Variants in CAPN6 observed in about 807,000 individuals in gnomAD.
The protein encoded by CAPN6 is calpain-6.
CAPN6 carries 16 observed loss-of-function variants against 46.0 expected under a neutral mutation model. The ratio of observed to expected loss-of-function variants is 0.35; its 90% CI spans 0.24 to 0.53. CAPN6 has a LOEUF of 0.53. Ranked by LOEUF, CAPN6 falls within the 20% of genes least tolerant of loss-of-function variation. The probability of loss-of-function intolerance (pLI) is 0.94; values close to 1 mark genes in which losing one functional copy is unlikely to be tolerated. For missense variants in CAPN6, 461 were observed against 498.0 expected (o/e 0.93, Z 0.71); for synonymous variants, 206 against 172.8 (o/e 1.19, Z -1.51).
In CAPN6 at chrX:111,251,077, T is replaced by G; in HGVS notation, c.998A>C (p.Asn333Thr). ...FWMSLEDFCR[N>T]FHKLNVCRNV... ...GCGGCAGACATTCAGTTTGTGAAAGTTGCGGCAAAAGTCCTCCAAGCTCAT... is the reference window on the plus strand; with the variant it reads ...GCGGCAGACATTCAGTTTGTGAAAGGTGCGGCAAAAGTCCTCCAAGCTCAT... Residue 333 changes from asparagine (N) to threonine (T), a missense_variant, in exon 8 of 13, where the codon AAC (asparagine) becomes ACC (threonine). Asn to Thr is a moderately conservative substitution (Grantham distance 65). Transcript: ENST00000324068. 1 of 1,211,022 alleles carries G rather than the reference T, an allele frequency of 8.3e-7. No homozygotes were observed.
rs950080772 is a variant in CAPN6 at position 111,254,185 on chromosome X, G to A, written c.297+87C>T. On this transcript the variant is annotated intron_variant, in intron 3 of 12. Transcript: ENST00000324068. ...GCTTTCAAGAAATACAACAATCTAA[G>A]GAAGTTATGCGCTGATTTTTTTCCT... is the stretch of plus-strand genomic sequence containing the variant. The A allele has an allele frequency of 7.8e-6, 8 of 1,031,086 alleles. No individual in the cohort carries two copies. In the East Asian group the frequency reaches 1.6e-4, roughly 20 times the overall value. The allele number at this position is 1,031,086 out of a possible 1,213,427, so 85.0% of individuals were successfully genotyped here.
At chrX:111,251,440 G>T (rs1223513520) in intron 6 of CAPN6, 109 bp downstream of exon 6, 7 of 888,926 alleles carry the variant, frequency 7.9e-6, no homozygotes, top group Non-Finnish European at 8.0e-6. Context: ...CCTGACAAAA[G>T]CCCACAGATG....
Position 111,248,923 on chromosome X carries a change from G to A in CAPN6, c.1281+12C>T. On this transcript the variant is annotated intron_variant, in intron 9 of 12. Transcript: ENST00000324068. ...TGCCTTCATTCTCTCTGCCCCAAAT[G>A]CCCATTTTTACCTTGAAGAGCTCAA... is the stretch of plus-strand genomic sequence containing the variant. The A allele has an allele frequency of 8.3e-7, 1 of 1,210,670 alleles. No individual in the cohort carries two copies. Among genetic ancestry groups the A allele is most frequent in the Non-Finnish European group, 1.1e-6 (1 of 895,092 alleles).
chrX:111,264,535 A>C (rs1251407076), intron 1 of CAPN6, among the ~76,000 whole-genome samples: 3 of 111,852 alleles, frequency 2.7e-5, no homozygotes, highest in Admixed American at 9.5e-5. Context: ...ACAGCTCAGC[A>C]GATGGCCTCC....
intron 1 of CAPN6, among the ~76,000 whole-genome samples, chrX:111,267,422 C>G (rs17882500): frequency 9.0e-6 from 1 of 111,185 alleles, no homozygotes; most frequent in African/African-American, 3.3e-5. Flanking sequence ...AGGATAGGAG[C>G]GGGCCCAGAG....
At chrX:111,270,097 C>A (rs987732551) in intron 1 of CAPN6, among the ~76,000 whole-genome samples, 11 of 111,751 alleles carry the variant, frequency 9.8e-5, no homozygotes, top group Non-Finnish European at 2.1e-4. Flanking sequence ...TGCACACACA[C>A]AAAAAACTGA....
intron 2 of CAPN6, among the ~76,000 whole-genome samples, chrX:111,257,929 A>T (rs770585005): frequency 2.0e-4 from 22 of 111,982 alleles, no homozygotes; most frequent in Non-Finnish European, 3.2e-4. Context: ...ACAACTAGGA[A>T]GTTGAGTACC....
chrX:111,248,483 T>C, intron 10 of CAPN6, 86 bp downstream of exon 10: 1 of 658,418 alleles, frequency 1.5e-6, no homozygotes, highest in South Asian at 2.3e-5. Flanking sequence ...CCATTGAATG[T>C]CTGAAGAGGG....
rs151053291 is a variant in CAPN6 at position 111,256,997 on chromosome X, G to T, written c.166-2594C>A. 8.1e-5 allele frequency among the ~76,000 whole-genome samples: 9 copies of T among 110,816 alleles called. No individual in the cohort carries two copies. The East Asian group carries it at 8.5e-4, about 10-fold the overall frequency. On this transcript the variant is annotated intron_variant, in intron 2 of 12. Coordinates refer to ENST00000324068, the MANE Select transcript of CAPN6 (RefSeq NM_014289.4). ...AATGTCAAAACTGGAATGAATTTTG[G>T]AGACTATCTAGTAAAGCCTATTTTT...
chrX:111,247,291 T>C, intron 12 of CAPN6, 77 bp downstream of exon 12: 3 of 883,518 alleles, frequency 3.4e-6, no homozygotes, highest in Admixed American at 3.1e-5. Context: ...ATCCTAAACA[T>C]ATATAAGGTA....
Position 111,248,953 on chromosome X carries a change from A to G in CAPN6, c.1263T>C (p.Ile421=). ...RRMGRPDNYI[I]GFELFKVEMN... The stretch of plus-strand genomic sequence containing the variant: ...TTTTTACCTTGAAGAGCTCAAAGCC[A>G]ATGATGTAATTGTCAGGTCTTCCCA... Residue 421 remains isoleucine (I), a synonymous_variant, in exon 9 of 13, where the codon ATT becomes ATC. Transcript: ENST00000324068. 8.3e-7 allele frequency: 1 copy of G among 1,211,657 alleles called. No individual in the cohort carries two copies. Among genetic ancestry groups the G allele is most frequent in the Non-Finnish European group, 1.1e-6 (1 of 895,501 alleles).
chrX:111,254,988 A>T (rs1002890891), intron 2 of CAPN6, among the ~76,000 whole-genome samples: 1 of 111,796 alleles, frequency 8.9e-6, no homozygotes, highest in Non-Finnish European at 1.9e-5. Context: ...AATATAGATG[A>T]CAGCAGCATT....
chrX:111,266,319 C>T (rs2147540454), intron 1 of CAPN6, among the ~76,000 whole-genome samples: 1 of 106,474 alleles, frequency 9.4e-6, no homozygotes, highest in South Asian at 4.2e-4. Context: ...TGACCTTGTT[C>T]TCTTTGTGCC....
intron 2 of CAPN6, among the ~76,000 whole-genome samples, chrX:111,262,191 C>T (rs1219268048): frequency 3.6e-5 from 4 of 112,184 alleles, no homozygotes; most frequent in Non-Finnish European, 5.6e-5. Context: ...AAGTGATCCG[C>T]TGGAATGTCA....
Position 111,246,063 on chromosome X carries a change from G to C in CAPN6, c.*514C>G, listed in dbSNP as rs1001297487. ...GGTGGTGGTGGTCGTGGTTGGTGGT[G>C]GTGGCAGTGGTGTCTGTAAGGGTTG... is the stretch of plus-strand genomic sequence containing the variant. On this transcript the variant is annotated 3_prime_UTR_variant, in exon 13 of 13. Coordinates refer to ENST00000324068, the MANE Select transcript of CAPN6 (RefSeq NM_014289.4). The C allele has an allele frequency of 8.7e-6, 1 of 114,786 alleles. No individual in the cohort carries two copies. Among genetic ancestry groups the C allele is most frequent in the South Asian group, 3.1e-4 (1 of 3,276 alleles). The allele number at this position is 114,786 out of a possible 1,213,427, so 9.5% of individuals were successfully genotyped here.
At chrX:111,258,168 A>G (rs1366657882) in intron 2 of CAPN6, among the ~76,000 whole-genome samples, 3 of 111,929 alleles carry the variant, frequency 2.7e-5, no homozygotes, top group Non-Finnish European at 5.6e-5. Context: ...TGCACCTACC[A>G]CATCCAAATT....
chrX:111,264,032 G>A (rs958788112), intron 1 of CAPN6, 81 bp from the exon 2 acceptor site: 61 of 603,757 alleles, frequency 1.0e-4, no homozygotes, highest in African/African-American at 7.9e-4. Flanking sequence ...ACAAACAGCC[G>A]TCATCCCAGT....
chrX:111,246,592 A>G lies in CAPN6; in HGVS notation c.1911T>C (p.Asp637=). ...GATTGCAGATTTAGAGCTCAGTGAG[A>G]TCATCGCTGGAAATAACCTTGAAGC... ...HISFKVISSD[D]LTEL is the part of the protein sequence containing the mutation. Residue 637 remains aspartate, a synonymous_variant, in exon 13 of 13, where the codon GAT becomes GAC. Transcript: ENST00000324068. The G allele has an allele frequency of 8.3e-7, 1 of 1,210,500 alleles. No individual in the cohort carries two copies. Among genetic ancestry groups the G allele is most frequent in the Non-Finnish European group, 1.1e-6 (1 of 894,666 alleles).
intron 2 of CAPN6, among the ~76,000 whole-genome samples, chrX:111,256,364 G>A (rs1404780979): frequency 3.6e-5 from 4 of 110,836 alleles, no homozygotes; most frequent in East Asian, 5.6e-4. Context: ...ACACCATTGC[G>A]CTCCAGCCTG....
Sources: gnomAD v4.1 joint callset for allele counts (sites outside exome capture counted in the v4.1 genomes callset) on GRCh38, gnomAD v4.1.1 for gene constraint, MANE v1.5 for transcripts, NCBI Gene and HGNC (gene_info 2026-07-23, HGNC 2026-07-21) for gene names.